Variants in GPC5 observed in about 807,000 individuals in gnomAD.
GPC5 encodes glypican-5.
In GPC5, 47 loss-of-function variants were observed where a neutral mutation model predicts 53.9. The observed-to-expected ratio is 0.87, with a 90% CI of 0.69 to 1.11. The LOEUF (loss-of-function observed/expected upper bound fraction) is 1.11, where lower values mean the gene tolerates loss of function less well. Ranked by LOEUF, GPC5 falls within the 50% of genes most tolerant of loss-of-function variation. The pLI is 0.00. For missense variants in GPC5, 748 were observed against 713.1 expected (o/e 1.05, Z -0.56); for synonymous variants, 286 against 263.3 (o/e 1.09, Z -0.84).
intron 7 of GPC5, among the ~76,000 whole-genome samples, chr13:92,234,462 G>T (rs987840882): frequency 6.6e-6 from 1 of 152,054 alleles, no homozygotes; most frequent in Non-Finnish European, 1.5e-5. Context: ...ATGTGCATAG[G>T]GAGCCTCACA....
chr13:91,502,589 CT>C (rs1884700273), intron 2 of GPC5, among the ~76,000 whole-genome samples: 1 of 152,126 alleles, frequency 6.6e-6, no homozygotes, highest in African/African-American at 2.4e-5. Flanking sequence ...AATCCCAGAA[CT>C]GCAGTTTCAA....
intron 2 of GPC5, among the ~76,000 whole-genome samples, chr13:91,542,386 T>C (rs1483806329): frequency 6.6e-6 from 1 of 152,196 alleles, no homozygotes; most frequent in Non-Finnish European, 1.5e-5. Flanking sequence ...ATCTCTTAGC[T>C]CATAAAGTCT....
At chr13:92,164,787 G>T (rs1023602390) in intron 7 of GPC5, among the ~76,000 whole-genome samples, 1 of 152,176 alleles carries the variant, frequency 6.6e-6, no homozygotes, top group Non-Finnish European at 1.5e-5. Context: ...CTCCATGAGG[G>T]CTCTGCCCCT....
intron 7 of GPC5, among the ~76,000 whole-genome samples, chr13:92,203,314 A>C (rs918260663): frequency 2.1e-4 from 32 of 149,882 alleles, no homozygotes; most frequent in Admixed American, 4.7e-4. Context: ...GACATAAAAA[A>C]TGATGAGTTC....
chr13:92,373,997 A>C (rs1267069475), intron 7 of GPC5, among the ~76,000 whole-genome samples: 1 of 152,202 alleles, frequency 6.6e-6, no homozygotes. Flanking sequence ...AATTCTATTA[A>C]TATTATAGCA....
At chr13:92,623,994 A>G (rs1225596359) in intron 7 of GPC5, among the ~76,000 whole-genome samples, 2 of 150,532 alleles carry the variant, frequency 1.3e-5, no homozygotes, top group African/African-American at 4.9e-5. Context: ...AGCTGGCATT[A>G]CAGGTGCCTA....
At chr13:91,977,984 A>AAAGAAAG (rs1181245280) in intron 6 of GPC5, among the ~76,000 whole-genome samples, 3 of 140,222 alleles carry the variant, frequency 2.1e-5, no homozygotes, top group African/African-American at 8.3e-5. Flanking sequence ...AGAAAGAAAG[A>AAAGAAAG]AAAGAAAAAA....
At chr13:92,852,777 C>T (rs758020109) in intron 7 of GPC5, among the ~76,000 whole-genome samples, 2 of 152,130 alleles carry the variant, frequency 1.3e-5, no homozygotes, top group Non-Finnish European at 2.9e-5. Flanking sequence ...GTCTCCACAC[C>T]TGTGTCCTAC....
At chr13:92,411,066 G>T (rs1035395844) in intron 7 of GPC5, among the ~76,000 whole-genome samples, 1 of 152,042 alleles carries the variant, frequency 6.6e-6, no homozygotes, top group African/African-American at 2.4e-5. Flanking sequence ...GTGAAACCCT[G>T]TCTCTCCAAA....
chr13:92,566,060 A>C (rs1006020998), intron 7 of GPC5, among the ~76,000 whole-genome samples: 1 of 152,102 alleles, frequency 6.6e-6, no homozygotes, highest in Non-Finnish European at 1.5e-5. Flanking sequence ...TGAGGAAATA[A>C]CTATAACTCA....
chr13:92,562,029 G>A lies in GPC5; in HGVS notation c.1562-304253G>A, dbSNP rs78885870. On this transcript the variant is annotated intron_variant, in intron 7 of 7. Transcript: ENST00000377067. ...TTTTAGAGATCCACTTGATACAGTA[G>A]CTGATGTGTTGCACAGTTTAAGAAG... Among the ~76,000 whole-genome samples the A allele has an allele frequency of 2.2e-3, 335 of 152,096 alleles. 2 individuals carry two copies. The highest frequency in any genetic ancestry group is 7.9e-3 in the African/African-American group (329 of 41,514).
chr13:92,107,347 T>C (rs764656015), intron 6 of GPC5, among the ~76,000 whole-genome samples: 4 of 152,022 alleles, frequency 2.6e-5, no homozygotes, highest in Non-Finnish European at 4.4e-5. Context: ...TAAATACAAA[T>C]TATTTCTGAG....
chr13:92,056,479 A>G (rs1475137274), intron 6 of GPC5, among the ~76,000 whole-genome samples: 3 of 152,184 alleles, frequency 2.0e-5, no homozygotes, highest in Non-Finnish European at 2.9e-5. Context: ...GAGGGGGAGC[A>G]TGACTCTGTT....
intron 2 of GPC5, among the ~76,000 whole-genome samples, chr13:91,576,502 G>A (rs1335128454): frequency 6.6e-6 from 1 of 152,120 alleles, no homozygotes; most frequent in Non-Finnish European, 1.5e-5. Context: ...ATTGCATCAG[G>A]AGATTCCTAA....
chr13:92,730,782 G>C (rs896387264), intron 7 of GPC5, among the ~76,000 whole-genome samples: 2 of 151,340 alleles, frequency 1.3e-5, no homozygotes, highest in South Asian at 2.1e-4. Flanking sequence ...ACTGGCAAAT[G>C]CAAGTAGGTT....
At chr13:92,206,901 C>T (rs893123080) in intron 7 of GPC5, among the ~76,000 whole-genome samples, 5 of 152,026 alleles carry the variant, frequency 3.3e-5, no homozygotes, top group Admixed American at 6.6e-5. Flanking sequence ...TTGCCAGGTT[C>T]CAAAAGATGG....
intron 4 of GPC5, among the ~76,000 whole-genome samples, chr13:91,744,709 T>C (rs1470038697): frequency 1.3e-5 from 2 of 152,118 alleles, no homozygotes; most frequent in Non-Finnish European, 2.9e-5. Context: ...GTTAATAATA[T>C]CTAGATTATA....
At chr13:92,254,020 A>G (rs2042709833) in intron 7 of GPC5, among the ~76,000 whole-genome samples, 1 of 152,076 alleles carries the variant, frequency 6.6e-6, no homozygotes, top group Non-Finnish European at 1.5e-5. Flanking sequence ...GCTTGAATGG[A>G]GGAAGGGAGA....
chr13:92,530,294 A>G (rs2138986181), intron 7 of GPC5, among the ~76,000 whole-genome samples: 1 of 152,118 alleles, frequency 6.6e-6, no homozygotes, highest in South Asian at 2.1e-4. Flanking sequence ...TTCAATTTAG[A>G]GCATATGGAT....
Sources: allele counts gnomAD v4.1 joint callset (sites outside exome capture counted in the v4.1 genomes callset), GRCh38; gene constraint gnomAD v4.1.1; transcripts MANE v1.5; gene names NCBI Gene and HGNC (gene_info 2026-07-23, HGNC 2026-07-21).